Variants in DMRT1 observed in about 807,000 individuals in gnomAD.
The protein encoded by DMRT1 is doublesex and mab-3 related transcription factor 1, also known as doublesex- and mab-3-related transcription factor 1.
Under a neutral mutation model 32.3 loss-of-function variants are expected in DMRT1, and 7 were observed. That is an observed-to-expected ratio of 0.22 (90% confidence interval 0.12 to 0.41). The LOEUF is 0.41. Ranked by LOEUF, DMRT1 falls within the 10% of genes least tolerant of loss-of-function variation. The pLI is 1.00. For synonymous variants in DMRT1, 278 were observed against 206.1 expected (o/e 1.35, Z -2.99); for missense variants, 625 against 500.5 (o/e 1.25, Z -2.37).
chr9:869,529 T>C (rs1440124958), intron 2 of DMRT1, among the ~76,000 whole-genome samples: 1 of 152,214 alleles, frequency 6.6e-6, no homozygotes, highest in Non-Finnish European at 1.5e-5. Flanking sequence ...AAAGTATCCC[T>C]AGATTACTTT....
chr9:913,107 T>G (rs1212232976), intron 3 of DMRT1, among the ~76,000 whole-genome samples: 4 of 152,224 alleles, frequency 2.6e-5, no homozygotes, highest in Admixed American at 1.3e-4. Flanking sequence ...TCAAACATTT[T>G]GAAAGGAAGG....
intron 2 of DMRT1, among the ~76,000 whole-genome samples, chr9:866,326 G>A (rs1218122420): frequency 6.6e-6 from 1 of 152,044 alleles, no homozygotes; most frequent in Non-Finnish European, 1.5e-5. Context: ...AGAAGCAGGA[G>A]GCATCAGCAC....
At chr9:890,085 G>GTTTTGTTTTTTT (rs1817081336) in intron 2 of DMRT1, among the ~76,000 whole-genome samples, 1 of 103,002 alleles carries the variant, frequency 9.7e-6, no homozygotes, top group Admixed American at 1.3e-4. Context: ...CACCAAACGT[G>GTTTTGTTTTTTT]TTTTTTTTTT....
intron 4 of DMRT1, among the ~76,000 whole-genome samples, chr9:922,931 T>C (rs1818402398): frequency 6.6e-6 from 1 of 152,104 alleles, no homozygotes; most frequent in Non-Finnish European, 1.5e-5. Flanking sequence ...CTCCATGGAG[T>C]TGAAGGCTTC....
At position 930,504 on chromosome 9, in the gene DMRT1, C is replaced by T. The variant is rs545316546; in HGVS notation, c.967+13597C>T. ...TCGGCTCACTGCAAGCTCCGCCTCT[C>T]GGGTTCATGCCATTCTGCCTCAGCC... On this transcript the variant is annotated intron_variant, in intron 4 of 4. Coordinates refer to ENST00000382276, the MANE Select transcript of DMRT1 (RefSeq NM_021951.3). 4.5e-3 allele frequency among the ~76,000 whole-genome samples: 678 copies of T among 151,920 alleles called. 6 individuals carry two copies. Among genetic ancestry groups the T allele is most frequent in the African/African-American group, 0.016 (653 of 41,440 alleles).
intron 3 of DMRT1, among the ~76,000 whole-genome samples, chr9:897,173 C>T (rs937534551): frequency 6.6e-6 from 1 of 151,328 alleles, no homozygotes; most frequent in African/African-American, 2.4e-5. Flanking sequence ...GGTGCAGTGG[C>T]GCCATCTCGG....
At chr9:931,485 T>C (rs116025448) in intron 4 of DMRT1, among the ~76,000 whole-genome samples, 3,291 of 152,308 alleles carry the variant, frequency 0.022, 133 homozygotes, top group African/African-American at 0.075. Context: ...TTAGTCTGGT[T>C]GGGCTGCTGT....
intron 2 of DMRT1, among the ~76,000 whole-genome samples, chr9:888,734 C>T (rs1353063421): frequency 1.4e-5 from 2 of 143,400 alleles, no homozygotes; most frequent in Non-Finnish European, 3.1e-5. Context: ...GCGATGCAGT[C>T]AGGGGCATGA....
At chr9:927,647 C>T (rs908634331) in intron 4 of DMRT1, among the ~76,000 whole-genome samples, 6 of 152,108 alleles carry the variant, frequency 3.9e-5, no homozygotes, top group East Asian at 1.9e-4. Context: ...CCATCTTGCC[C>T]GTATACACGG....
chr9:951,129 A>G (rs1819413966), intron 4 of DMRT1, among the ~76,000 whole-genome samples: 2 of 152,328 alleles, frequency 1.3e-5, no homozygotes, highest in South Asian at 4.1e-4. Flanking sequence ...TCTGACAAAT[A>G]ATTAAATCCT....
At chr9:910,681 G>A (rs1817941708) in intron 3 of DMRT1, among the ~76,000 whole-genome samples, 1 of 151,944 alleles carries the variant, frequency 6.6e-6, no homozygotes, top group South Asian at 2.1e-4. Context: ...ACAACTCCAA[G>A]GTCTTGGGTT....
In DMRT1 at chr9:844,570, TA is replaced by T. The variant is rs199595433; in HGVS notation, c.354+2380del. On this transcript the variant is annotated intron_variant, in intron 1 of 4. Transcript: ENST00000382276. The stretch of plus-strand genomic sequence containing the variant: ...TTAAGCTTAATTATTTAATTTTAAG[TA>T]ATTAATTATTTAAGATGAATTTTTC... 7.3e-3 allele frequency among the ~76,000 whole-genome samples: 1,112 copies of T among 152,134 alleles called. 4 individuals carry two copies. Among genetic ancestry groups the T allele is most frequent in the African/African-American group, 0.026 (1,078 of 41,524 alleles).
chr9:900,865 C>CT (rs927186190), intron 3 of DMRT1, among the ~76,000 whole-genome samples: 28 of 151,762 alleles, frequency 1.8e-4, no homozygotes, highest in African/African-American at 6.0e-4. Context: ...AATTAAAAAA[C>CT]TTTTTTTGTA....
chr9:852,599 G>A (rs529463658), intron 2 of DMRT1, among the ~76,000 whole-genome samples: 7 of 152,290 alleles, frequency 4.6e-5, no homozygotes, highest in African/African-American at 1.4e-4. Flanking sequence ...CTGTGCAGAA[G>A]CTGTCAGATG....
At chr9:946,643 G>A (rs1318713646) in intron 4 of DMRT1, among the ~76,000 whole-genome samples, 1 of 152,162 alleles carries the variant, frequency 6.6e-6, no homozygotes, top group Non-Finnish European at 1.5e-5. Context: ...AAAGAGCCTT[G>A]TGACTTTCCT....
rs551401076 is a variant in DMRT1 at position 932,553 on chromosome 9, GT to G, written c.967+15653del. ...CAACAATCTTACTAAGTAATGAGAG[GT>G]TTTTTTCCTTCTGACACAAACTGGG... is the stretch of plus-strand genomic sequence containing the variant. On this transcript the variant is annotated intron_variant, in intron 4 of 4. Transcript: ENST00000382276. Among the ~76,000 whole-genome samples, 372 of 152,214 alleles carry G rather than the reference GT, an allele frequency of 2.4e-3. 2 individuals are homozygous for G. Among genetic ancestry groups the G allele is most frequent in the South Asian group, 7.0e-3 (34 of 4,828 alleles).
rs139607255 is a variant in DMRT1 at position 874,292 on chromosome 9, C to T, written c.539-19620C>T. 8.9e-4 allele frequency among the ~76,000 whole-genome samples: 135 copies of T among 152,294 alleles called. 1 individual carries two copies. Among genetic ancestry groups the T allele is most frequent in the African/African-American group, 3.2e-3 (135 of 41,572 alleles). On this transcript the variant is annotated intron_variant, in intron 2 of 4. Coordinates refer to ENST00000382276, the MANE Select transcript of DMRT1 (RefSeq NM_021951.3). Reference sequence around the variant, plus strand: ...GATTCATGGATCAGAATATCAGGATCATTTGAATAGTTCTCAGAAAAATCA... The same window carrying T: ...GATTCATGGATCAGAATATCAGGATTATTTGAATAGTTCTCAGAAAAATCA...
chr9:862,236 C>T lies in DMRT1; in HGVS notation c.538+15093C>T, dbSNP rs559843203. On this transcript the variant is annotated intron_variant, in intron 2 of 4. Transcript: ENST00000382276. ...CACTGAGCACTGAGTGAGCGAGACT[C>T]CGTCTGCACTCCCGGCACCTCGGGA... is the stretch of plus-strand genomic sequence containing the variant. Among the ~76,000 whole-genome samples the T allele has an allele frequency of 3.2e-3, 494 of 152,170 alleles. 2 individuals carry two copies. The highest frequency in any genetic ancestry group is 0.027 in the Middle Eastern group (8 of 294).
chr9:929,794 A>G (rs1028225672), intron 4 of DMRT1, among the ~76,000 whole-genome samples: 2 of 152,096 alleles, frequency 1.3e-5, no homozygotes, highest in Non-Finnish European at 2.9e-5. Flanking sequence ...AAGTCCCCCC[A>G]GGATGTAAAC....
Sources: allele counts gnomAD v4.1 joint callset (sites outside exome capture counted in the v4.1 genomes callset), GRCh38; gene constraint gnomAD v4.1.1; transcripts MANE v1.5; gene names NCBI Gene and HGNC (gene_info 2026-07-23, HGNC 2026-07-21).